The following NIM1K variants were observed in gnomAD, a reference collection of about 807,000 sequenced individuals.
NIM1K encodes the protein serine/threonine-protein kinase NIM1.
NIM1K carries 35 observed loss-of-function variants against 37.1 expected under a neutral mutation model. That is an observed-to-expected ratio of 0.94 (90% confidence interval 0.72 to 1.25). The LOEUF (loss-of-function observed/expected upper bound fraction) is 1.25. Among genes scored for constraint, NIM1K ranks in the 50% most tolerant of loss-of-function variants. The pLI is 0.00. For missense variants in NIM1K, 564 were observed against 548.0 expected (o/e 1.03, Z -0.29); for synonymous variants, 234 against 206.6 (o/e 1.13, Z -1.14).
At chr5:43,232,600 G>T in intron 1 of NIM1K, 1 of 1,565,626 alleles carries the variant, frequency 6.4e-7, no homozygotes, top group Non-Finnish European at 8.7e-7. Context: ...GGTGGTGTGG[G>T]AGGTGAGGAT....
At chr5:43,228,347 C>T (rs1485022181) in intron 1 of NIM1K, among the ~76,000 whole-genome samples, 3 of 151,872 alleles carry the variant, frequency 2.0e-5, no homozygotes, top group Non-Finnish European at 4.4e-5. Context: ...AGGGTTTCAC[C>T]GTGTTAGCCA....
chr5:43,198,700 T>C (rs1751973051), intron 1 of NIM1K, among the ~76,000 whole-genome samples: 1 of 152,150 alleles, frequency 6.6e-6, no homozygotes, highest in Non-Finnish European at 1.5e-5. Context: ...TGAGACAAGG[T>C]GAAGAAGCCT....
chr5:43,239,782 C>A (rs1477034152), intron 1 of NIM1K, among the ~76,000 whole-genome samples: 1 of 152,074 alleles, frequency 6.6e-6, no homozygotes, highest in East Asian at 1.9e-4. Flanking sequence ...CATGCCTGGC[C>A]TCCACTCTTA....
chr5:43,232,891 G>C (rs1752562877), intron 1 of NIM1K: 3 of 1,136,754 alleles, frequency 2.6e-6, no homozygotes, highest in Non-Finnish European at 4.0e-6. Context: ...TTCCTTGCCT[G>C]TGATGAGCTG....
chr5:43,212,804 T>G, intron 1 of NIM1K, among the ~76,000 whole-genome samples: 1 of 152,222 alleles, frequency 6.6e-6, no homozygotes, highest in East Asian at 1.9e-4. Flanking sequence ...AGGAAGCATA[T>G]TCTCACCATG....
chr5:43,211,500 G>A (rs1752203567), intron 1 of NIM1K, among the ~76,000 whole-genome samples: 1 of 152,198 alleles, frequency 6.6e-6, no homozygotes. Flanking sequence ...ATGGGGACTG[G>A]GGGGAATGTC....
chr5:43,271,494 G>A (rs7709448), intron 2 of NIM1K, among the ~76,000 whole-genome samples: 152,089 of 152,342 alleles, frequency 1, 75,918 homozygotes, highest in Middle Eastern at 1. Flanking sequence ...TTATAAATAC[G>A]TATACATATA....
chr5:43,213,860 C>G (rs1156439655), intron 1 of NIM1K, among the ~76,000 whole-genome samples: 1 of 152,050 alleles, frequency 6.6e-6, no homozygotes, highest in Non-Finnish European at 1.5e-5. Flanking sequence ...AACTCCTGAT[C>G]TCAAGTGATC....
intron 1 of NIM1K, among the ~76,000 whole-genome samples, chr5:43,215,452 C>T (rs749813579): frequency 5.3e-5 from 8 of 151,838 alleles, no homozygotes; most frequent in Non-Finnish European, 8.8e-5. Context: ...TTTCTTTTTT[C>T]GAGATGGAAT....
chr5:43,277,813 TGTGAGAGA>T (rs1296823342), intron 3 of NIM1K, among the ~76,000 whole-genome samples: 2 of 143,916 alleles, frequency 1.4e-5, no homozygotes, highest in Non-Finnish European at 3.1e-5. Flanking sequence ...TGTGTGTGTG[TGTGAGAGA>T]GAGAGAGAGA....
chr5:43,261,217 A>G (rs1224350394), intron 2 of NIM1K, among the ~76,000 whole-genome samples: 1 of 152,252 alleles, frequency 6.6e-6, no homozygotes, highest in Non-Finnish European at 1.5e-5. Flanking sequence ...ACTAGTTTAC[A>G]GTCCCACCAA....
At chr5:43,231,873 T>C (rs1032261138) in intron 1 of NIM1K, 3 of 1,184,052 alleles carry the variant, frequency 2.5e-6, no homozygotes, top group African/African-American at 1.6e-5. Context: ...AACCTCCTTA[T>C]AATCCTTCTC....
At chr5:43,266,378 C>G (rs1399840795) in intron 2 of NIM1K, among the ~76,000 whole-genome samples, 2 of 152,210 alleles carry the variant, frequency 1.3e-5, no homozygotes, top group Non-Finnish European at 2.9e-5. Context: ...GACTGCTGTG[C>G]TAGCAGTGAG....
chr5:43,203,582 C>T (rs566573709), intron 1 of NIM1K, among the ~76,000 whole-genome samples: 1 of 152,180 alleles, frequency 6.6e-6, no homozygotes, highest in Non-Finnish European at 1.5e-5. Context: ...CTGCCCAATT[C>T]ATGAATAATT....
chr5:43,232,431 G>C (rs1012165008), intron 1 of NIM1K: 1 of 1,476,066 alleles, frequency 6.8e-7, no homozygotes, highest in Non-Finnish European at 9.5e-7. Flanking sequence ...TCAACATTCA[G>C]GACTCCATCA....
chr5:43,233,383 G>A lies in NIM1K; in HGVS notation c.-694-11699G>A, dbSNP rs553306938. On this transcript the variant is annotated intron_variant, in intron 1 of 3. Transcript: ENST00000326035. ...CACCTCTCACTTACCTCCAGTGCTGGGTAAATATTTAAAAATTATCAGATG... is the reference window on the plus strand; with the variant it reads ...CACCTCTCACTTACCTCCAGTGCTGAGTAAATATTTAAAAATTATCAGATG... Among the ~76,000 whole-genome samples the A allele has an allele frequency of 1.9e-3, 283 of 152,108 alleles. 1 individual carries two copies. Among genetic ancestry groups the A allele is most frequent in the African/African-American group, 6.6e-3 (274 of 41,462 alleles).
chr5:43,213,294 T>C (rs376292232), intron 1 of NIM1K, among the ~76,000 whole-genome samples: 16 of 21,664 alleles, frequency 7.4e-4, no homozygotes, highest in African/African-American at 1.3e-3. Context: ...CCTTTCCTTT[T>C]CTTTTCTTTT....
chr5:43,205,146 T>C (rs1752090246), intron 1 of NIM1K, among the ~76,000 whole-genome samples: 1 of 152,206 alleles, frequency 6.6e-6, no homozygotes, highest in African/African-American at 2.4e-5. Context: ...TGTTTCGTAG[T>C]GTTAGGTTCC....
chr5:43,273,141 C>T lies in NIM1K; in HGVS notation c.293-3916C>T, dbSNP rs533790268. ...GGGGTTTCTATCATCCCCTCCTAGA[C>T]TCCCACTTGCTCCCAGGCTTGCTGC... On this transcript the variant is annotated intron_variant, in intron 2 of 3. Coordinates refer to ENST00000326035, the MANE Select transcript of NIM1K (RefSeq NM_153361.4). 5.9e-5 allele frequency among the ~76,000 whole-genome samples: 9 copies of T among 152,192 alleles called. No homozygotes were observed. The South Asian group carries it at 1.7e-3, about 28-fold the overall frequency.
Sources: gnomAD v4.1 joint callset for allele counts (sites outside exome capture counted in the v4.1 genomes callset) on GRCh38, gnomAD v4.1.1 for gene constraint, MANE v1.5 for transcripts, NCBI Gene and HGNC (gene_info 2026-07-23, HGNC 2026-07-21) for gene names.